Variants in LAMA5 observed in about 807,000 individuals in gnomAD.
The protein encoded by LAMA5 is laminin subunit alpha-5.
In LAMA5, 260 loss-of-function variants were observed where a neutral mutation model predicts 433.4. That is an observed-to-expected ratio of 0.60 (90% CI 0.54 to 0.66). The LOEUF (loss-of-function observed/expected upper bound fraction) is 0.66, where lower values mean the gene tolerates loss of function less well. Ranked by LOEUF, LAMA5 falls within the 30% of genes least tolerant of loss-of-function variation. The pLI is 0.00. For synonymous variants in LAMA5, 2,620 were observed against 2,226.6 expected (o/e 1.18, Z -4.97); for missense variants, 5,378 against 5,258.5 (o/e 1.02, Z -0.70).
chr20:62,322,523 T>C, intron 46 of LAMA5, 74 bp from the exon 47 acceptor site: 1 of 1,484,222 alleles, frequency 6.7e-7, no homozygotes, highest in Non-Finnish European at 9.1e-7. Context: ...CCAGGGGTCC[T>C]GCCCATCTGG....
chr20:62,358,875 C>CT (rs2146346863), intron 2 of LAMA5, among the ~76,000 whole-genome samples: 1 of 152,276 alleles, frequency 6.6e-6, no homozygotes, highest in African/African-American at 2.4e-5. Context: ...AGCTGACTGC[C>CT]TCCCCTCTCC....
intron 3 of LAMA5, among the ~76,000 whole-genome samples, chr20:62,352,822 T>C (rs611722): frequency 0.92 from 139,712 of 152,166 alleles, 64,702 homozygotes; most frequent in Non-Finnish European, 0.98. Flanking sequence ...TGGCAGGAGG[T>C]GAGGTGGGAG....
intron 23 of LAMA5, 57 bp downstream of exon 23, chr20:62,333,844 G>GGGGTT: frequency 6.8e-7 from 1 of 1,463,800 alleles, no homozygotes; most frequent in Non-Finnish European, 9.2e-7. Flanking sequence ...GGAGTGGGGT[G>GGGGTT]GGGTGGGGTG....
Position 62,317,367 on chromosome 20 carries a change from G to A in LAMA5, c.7489C>T (p.Gln2497Ter). ...AAEAHAQQLG[Q>*]LALNLSSIIL... Reference sequence around the variant, plus strand: ...CACCTGGACAGATTGAGTGCCAGCTGGCCCAGCTGCTGTGCGTGGGCCTCG... The same window carrying A: ...CACCTGGACAGATTGAGTGCCAGCTAGCCCAGCTGCTGTGCGTGGGCCTCG... The change falls in exon 55 of 80, where the codon CAG (glutamine) becomes TAG (stop). Residue 2497 changes from glutamine to a stop codon, truncating the protein, a stop_gained. Transcript: ENST00000252999. LOFTEE classifies it high-confidence loss of function. 6.2e-7 allele frequency: 1 copy of A among 1,608,828 alleles called. No individual in the cohort carries two copies. The highest frequency in any genetic ancestry group is 8.5e-7 in the Non-Finnish European group (1 of 1,178,978).
In LAMA5 at chr20:62,309,735, C is replaced by T. The variant is rs1568885379; in HGVS notation, c.10929G>A (p.Leu3643=). The change falls in exon 79 of 80, where the codon CTG becomes CTA. Residue 3643 remains leucine (L), a synonymous_variant. Transcript: ENST00000252999. ...LAAAAGAPAP[L]YLGGLPEPMA... ...ACTCACCAGGCAGGCCCCCGAGGTA[C>T]AGAGGGGCTGGGGCACCAGCTGCAG... is the stretch of plus-strand genomic sequence containing the variant. 4 of 1,601,790 alleles carry T rather than the reference C, an allele frequency of 2.5e-6. No homozygotes were observed. Among genetic ancestry groups the T allele is most frequent in the Middle Eastern group, 1.7e-4 (1 of 5,914 alleles).
intron 51 of LAMA5, 124 bp downstream of exon 51, chr20:62,319,560 C>A (rs757574379): frequency 3.0e-6 from 2 of 671,788 alleles, no homozygotes; most frequent in Non-Finnish European, 2.6e-6. Flanking sequence ...CCAGAGGCGT[C>A]GTCTCCCATC....
At chr20:62,326,615 C>T (rs1303060441) in intron 40 of LAMA5, 62 bp downstream of exon 40, 34 of 1,364,610 alleles carry the variant, frequency 2.5e-5, no homozygotes, top group East Asian at 1.4e-4. Flanking sequence ...GGACCCCTTC[C>T]GGCCTTCCCA....
At chr20:62,346,311 T>G in intron 9 of LAMA5, 96 bp from the exon 10 acceptor site, 1 of 1,490,188 alleles carries the variant, frequency 6.7e-7, no homozygotes, top group Non-Finnish European at 9.1e-7. Flanking sequence ...GCCAGGGCCA[T>G]GGGGATGAGG....
rs1986751303 is a variant in LAMA5, at chr20:62,314,734, C to T, written c.8197-9G>A. The T allele has an allele frequency of 1.2e-6, 2 of 1,612,416 alleles. No homozygotes were observed. The highest frequency in any genetic ancestry group is 2.7e-5 in the African/African-American group (2 of 75,028). On this transcript the variant is annotated splice_polypyrimidine_tract_variant and intron_variant, in intron 60 of 79. Coordinates refer to ENST00000252999, the MANE Select transcript of LAMA5 (RefSeq NM_005560.6). Reference sequence around the variant, plus strand: ...TTCATGGGCACCTTGACCTGCGGGGCACGGTCCATCAGCGTCCACCACCAC... The same window carrying T: ...TTCATGGGCACCTTGACCTGCGGGGTACGGTCCATCAGCGTCCACCACCAC...
intron 48 of LAMA5, among the ~76,000 whole-genome samples, chr20:62,321,329 G>A (rs1438997545): frequency 2.1e-5 from 2 of 93,766 alleles, no homozygotes; most frequent in African/African-American, 9.2e-5. Flanking sequence ...GGCCAGTGGA[G>A]GAGGTGCAGC....
In LAMA5 at chr20:62,310,372, C is replaced by A. The variant is rs41310032; in HGVS notation, c.10600+47G>T. On this transcript the variant is annotated intron_variant, in intron 76 of 79. Coordinates refer to ENST00000252999, the MANE Select transcript of LAMA5 (RefSeq NM_005560.6). ...GGCCCCTCCCCAGAACCTCCTGGAGCCCCCTGCCCTGCCCTGCTGAGGCCT... is the reference window on the plus strand; with the variant it reads ...GGCCCCTCCCCAGAACCTCCTGGAGACCCCTGCCCTGCCCTGCTGAGGCCT... The A allele has an allele frequency of 0.19, 291,456 of 1,560,986 alleles. 28,458 individuals are homozygous for A. Among genetic ancestry groups the A allele is most frequent in the East Asian group, 0.2 (9,028 of 44,514 alleles).
chr20:62,322,430 T>C lies in LAMA5; in HGVS notation c.6185A>G (p.Asp2062Gly), dbSNP rs1978424737. 1 of 1,592,032 alleles carries C rather than the reference T, an allele frequency of 6.3e-7. No individual in the cohort carries two copies. Among genetic ancestry groups the C allele is most frequent in the Non-Finnish European group, 8.5e-7 (1 of 1,169,870 alleles). The change falls in exon 47 of 80, where the codon GAT becomes GGT. Residue 2062 changes from aspartate to glycine, a missense_variant. Physicochemically the swap from Asp to Gly is moderately conservative, Grantham distance 94. Transcript: ENST00000252999. ...ACACGGGCGGCAGCCCCCGCAGCCA[T>C]CGAAACCAAAATGTCCCTCCTGTGG... ...DRCQEGHFGF[D>G]GCGGCRPCAC...
At chr20:62,317,931 T>G (rs1173352177) in intron 53 of LAMA5, among the ~76,000 whole-genome samples, 153 bp from the exon 54 acceptor site, 2 of 22,850 alleles carry the variant, frequency 8.8e-5, no homozygotes, top group Non-Finnish European at 1.8e-4. Context: ...AACGTGTGAG[T>G]ATGAGGGAAG....
At chr20:62,321,168 CGGT>C (rs1987668151) in intron 48 of LAMA5, among the ~76,000 whole-genome samples, 1 of 42,512 alleles carries the variant, frequency 2.4e-5, no homozygotes, top group African/African-American at 9.0e-5. Flanking sequence ...GGGGCGGGGC[CGGT>C]GGAGGCAGGG....
chr20:62,332,373 A>G lies in LAMA5; in HGVS notation c.3551T>C (p.Leu1184Pro). ...GGTGGGGACCTGAGGGGTCCTTACC[A>G]GGAAGAAGCGTGCCTGTTCGGCTGT... ...RLTAEQARFF[L>P]HGVTLVPIEE... Residue 1184 changes from leucine (L) to proline (P), a missense_variant and splice_region_variant, in exon 28 of 80, where the codon CTG (leucine) becomes CCG (proline). Transcript: ENST00000252999. The G allele has an allele frequency of 6.2e-7, 1 of 1,609,334 alleles. No individual in the cohort carries two copies. Among genetic ancestry groups the G allele is most frequent in the Admixed American group, 1.7e-5 (1 of 60,008 alleles).
rs751428667 is a variant in LAMA5 at position 62,328,268 on chromosome 20, G to A, written c.4625C>T (p.Thr1542Ile). 3.1e-6 allele frequency: 5 copies of A among 1,608,260 alleles called. No homozygotes were observed. The highest frequency in any genetic ancestry group is 4.2e-6 in the Non-Finnish European group (5 of 1,178,046). ...GCACTGGCCGCTGTCTGTGTCACAGGTAGGGTCTGTGAGCTCCTGGATGCC... is the reference window on the plus strand; with the variant it reads ...GCACTGGCCGCTGTCTGTGTCACAGATAGGGTCTGTGAGCTCCTGGATGCC... Reference protein sequence around the residue: ...GPGIQELTDPTCDTDSGQCKC... With the variant: ...GPGIQELTDPICDTDSGQCKC... Residue 1542 changes from threonine (T) to isoleucine (I), a missense_variant, in exon 35 of 80, where the codon ACC becomes ATC. Physicochemically the swap from Thr to Ile is moderately conservative, Grantham distance 89 (BLOSUM62 -1). Transcript: ENST00000252999.
intron 1 of LAMA5, among the ~76,000 whole-genome samples, chr20:62,363,862 AC>A (rs1986430996): frequency 6.6e-6 from 1 of 151,884 alleles, no homozygotes; most frequent in South Asian, 2.1e-4. Flanking sequence ...CCAGGGCAAC[AC>A]CCGGTACCCC....
At position 62,362,304 on chromosome 20, in the gene LAMA5, G is replaced by GGT. The variant is rs1986221677; in HGVS notation, c.450+94_450+95dup. 7.2e-6 allele frequency: 9 copies of GGT among 1,243,184 alleles called. No individual in the cohort carries two copies. The South Asian group carries it at 1.7e-4, about 23-fold the overall frequency. The allele number at this position is 1,243,184 out of a possible 1,614,324, so 77.0% of individuals were successfully genotyped here. A position where few individuals can be genotyped will look rare whatever the true frequency, so the allele number is the denominator to read the frequency against. ...CTCCCAGGCCCCAGGTCTCGCTCAC[G>GGT]GTGGAGACCTCGCCTTCTGGTCCTG... is the stretch of plus-strand genomic sequence containing the variant. On this transcript the variant is annotated intron_variant, in intron 2 of 79. Coordinates refer to ENST00000252999, the MANE Select transcript of LAMA5 (RefSeq NM_005560.6).
chr20:62,340,190 T>G (rs944179783), intron 11 of LAMA5, among the ~76,000 whole-genome samples: 2 of 150,876 alleles, frequency 1.3e-5, no homozygotes, highest in East Asian at 3.9e-4. Flanking sequence ...CAAACCAGAG[T>G]CAGAGAGAGA....
Sources: gnomAD v4.1 joint callset for allele counts (sites outside exome capture counted in the v4.1 genomes callset) on GRCh38, gnomAD v4.1.1 for gene constraint, MANE v1.5 for transcripts, NCBI Gene and HGNC (gene_info 2026-07-23, HGNC 2026-07-21) for gene names.